PPP2R1A: variants seen among roughly 807,000 people sequenced by gnomAD.
The protein encoded by PPP2R1A is serine/threonine-protein phosphatase 2A 65 kDa regulatory subunit A alpha isoform.
In PPP2R1A, 15 loss-of-function variants were observed where a neutral mutation model predicts 67.1. The ratio of observed to expected loss-of-function variants is 0.22; its 90% CI spans 0.15 to 0.34. The LOEUF (loss-of-function observed/expected upper bound fraction) is 0.34, where lower values mean the gene tolerates loss of function less well. Ranked by LOEUF, PPP2R1A falls within the 10% of genes least tolerant of loss-of-function variation. The pLI is 1.00. For synonymous variants in PPP2R1A, 337 were observed against 325.0 expected, an observed-to-expected ratio of 1.04 and a Z score of -0.40; for missense variants, 369 against 775.0, an observed-to-expected ratio of 0.48 and a Z score of 6.22.
chr19:52,198,403 C>T (rs1396544700), intron 1 of PPP2R1A, among the ~76,000 whole-genome samples: 2 of 152,208 alleles, frequency 1.3e-5, no homozygotes, highest in Non-Finnish European at 2.9e-5. Context: ...CATGGGCCCA[C>T]CTCTTGGGCA....
Position 52,202,074 on chromosome 19 carries a change from T to C in PPP2R1A, c.169+40T>C, listed in dbSNP as rs764077106. 8.4e-6 allele frequency: 13 copies of C among 1,551,310 alleles called. No individual in the cohort carries two copies. In the African/African-American group the frequency reaches 1.6e-4, roughly 20 times the overall value. On this transcript the variant is annotated intron_variant, in intron 2 of 14. Coordinates refer to ENST00000322088, the MANE Select transcript of PPP2R1A (RefSeq NM_014225.6). ...CCCTGGGGCCCAGATGTGGGGACTC[T>C]TGGGAGGTGGTTTTCACTATATAAG...
rs542922013 is a variant in PPP2R1A, at chr19:52,227,816, A to G, written c.*1835A>G. Reference sequence around the variant, plus strand: ...AGAAATGTGAACACACGTGTAACCAAACGTCAAAGTCTGACATTAAACTTT... The same window carrying G: ...AGAAATGTGAACACACGTGTAACCAGACGTCAAAGTCTGACATTAAACTTT... On this transcript the variant is annotated 3_prime_UTR_variant, in exon 15 of 15. Transcript: ENST00000322088. The G allele has an allele frequency of 1.3e-5, 2 of 152,334 alleles. No homozygotes were observed. Among genetic ancestry groups the G allele is most frequent in the South Asian group, 2.1e-4 (1 of 4,832 alleles). 9.4% of individuals were successfully genotyped at this position (152,334 alleles called of 1,614,324 possible).
intron 2 of PPP2R1A, among the ~76,000 whole-genome samples, chr19:52,202,450 C>A (rs990254707): frequency 6.6e-6 from 1 of 152,166 alleles, no homozygotes; most frequent in African/African-American, 2.4e-5. Flanking sequence ...TGTTCTACAC[C>A]GTATCTTGTG....
At chr19:52,205,834 A>G (rs1000925695) in intron 2 of PPP2R1A, 129 bp from the exon 3 acceptor site, 1 of 753,042 alleles carries the variant, frequency 1.3e-6, no homozygotes, top group Non-Finnish European at 2.3e-6. Flanking sequence ...AGAGTGGGGG[A>G]GCAAGTGGGC....
intron 13 of PPP2R1A, among the ~76,000 whole-genome samples, chr19:52,223,766 G>A (rs1979087041): frequency 6.6e-6 from 1 of 152,196 alleles, no homozygotes; most frequent in African/African-American, 2.4e-5. Flanking sequence ...ACGTGGGGCT[G>A]TACATTTAGG....
At position 52,216,066 on chromosome 19, in the gene PPP2R1A, T is replaced by C; in HGVS notation, c.985T>C (p.Cys329Arg). 6.2e-7 allele frequency: 1 copy of C among 1,613,146 alleles called. No homozygotes were observed. The highest frequency in any genetic ancestry group is 8.5e-7 in the Non-Finnish European group (1 of 1,179,140). ...ENVIMSQILP[C>R]IKELVSDANQ... Reference sequence around the variant, plus strand: ...TGTGATCATGTCCCAGATCTTGCCCTGCATCAAGGTAACAGAGAGTTTGAT... The same window carrying C: ...TGTGATCATGTCCCAGATCTTGCCCCGCATCAAGGTAACAGAGAGTTTGAT... Residue 329 changes from cysteine to arginine, a missense_variant, in exon 8 of 15, where the codon TGC becomes CGC. By Grantham distance (180) the Cys-to-Arg change is radical. Transcript: ENST00000322088. The surrounding 1 kb of genome is among the most constrained non-coding windows in gnomAD (Gnocchi z 4.3).
At chr19:52,204,038 C>T (rs1180655974) in intron 2 of PPP2R1A, among the ~76,000 whole-genome samples, 1 of 152,148 alleles carries the variant, frequency 6.6e-6, no homozygotes, top group Non-Finnish European at 1.5e-5. Flanking sequence ...TCTCTGAACC[C>T]TCTGGGTTTT....
Position 52,219,373 on chromosome 19 carries a change from G to A in PPP2R1A, c.1129-318G>A, listed in dbSNP as rs985823400. Among the ~76,000 whole-genome samples the A allele has an allele frequency of 2.0e-5, 3 of 152,260 alleles. No homozygotes were observed. The highest frequency in any genetic ancestry group is 7.2e-5 in the African/African-American group (3 of 41,472). On this transcript the variant is annotated intron_variant, in intron 9 of 14. Coordinates refer to ENST00000322088, the MANE Select transcript of PPP2R1A (RefSeq NM_014225.6). This position sits in a 1 kb window ranked among gnomAD's most constrained non-coding sequence, Gnocchi z 4.0. ...GGAACCCTTGTTAGCAAGCAGCGGA[G>A]CTAGGATTAGAAGAATCATGTCTGC... is the stretch of plus-strand genomic sequence containing the variant.
chr19:52,191,689 A>G (rs2089455957), intron 1 of PPP2R1A, among the ~76,000 whole-genome samples: 1 of 152,140 alleles, frequency 6.6e-6, no homozygotes, highest in African/African-American at 2.4e-5. Flanking sequence ...AATGGGGTTA[A>G]TTACCTAGTT....
intron 2 of PPP2R1A, among the ~76,000 whole-genome samples, chr19:52,204,999 C>T (rs182635886): frequency 6.6e-6 from 1 of 152,262 alleles, no homozygotes; most frequent in Admixed American, 6.5e-5. Flanking sequence ...ATAATGACTC[C>T]TTAAATGAGA....
intron 1 of PPP2R1A, 149 bp downstream of exon 1, chr19:52,190,323 G>C: frequency 1.1e-6 from 1 of 894,314 alleles, no homozygotes. Context: ...CGGTTGCCCG[G>C]ACTCCTTGAG....
rs1328325888 is a variant in PPP2R1A, at chr19:52,216,580, A to G, written c.1045A>G (p.Ile349Val). Residue 349 changes from isoleucine to valine, a missense_variant, in exon 9 of 15, where the codon ATC becomes GTC. By Grantham distance (29) the Ile-to-Val change is conservative. Around this residue, in one of 2 missense-constraint regions of PPP2R1A, gnomAD observed 276 missense variants for 508.4 expected, o/e 0.54. Coordinates refer to ENST00000322088, the MANE Select transcript of PPP2R1A (RefSeq NM_014225.6). This position sits in a 1 kb window ranked among gnomAD's most constrained non-coding sequence, Gnocchi z 4.3. ...QHVKSALASV[I>V]MGLSPILGKD... is the part of the protein sequence containing the mutation. The stretch of plus-strand genomic sequence containing the variant: ...TGTCAAGTCTGCCCTGGCCTCAGTC[A>G]TCATGGGTCTCTCTCCCATCTTGGG... 19 of 1,614,180 alleles carry G rather than the reference A, an allele frequency of 1.2e-5. No individual in the cohort carries two copies. The highest frequency in any genetic ancestry group is 1.5e-5 in the Non-Finnish European group (18 of 1,180,042).
chr19:52,197,492 T>C (rs2089507034), intron 1 of PPP2R1A, among the ~76,000 whole-genome samples: 3 of 151,874 alleles, frequency 2.0e-5, no homozygotes, highest in Admixed American at 6.6e-5. Flanking sequence ...TTGGGCAACA[T>C]AGTGAGGCCT....
At chr19:52,194,326 G>A (rs1178146727) in intron 1 of PPP2R1A, among the ~76,000 whole-genome samples, 3 of 152,096 alleles carry the variant, frequency 2.0e-5, no homozygotes, top group Admixed American at 6.6e-5. Context: ...CAGCAAAAAG[G>A]CCAGTGTGAC....
At chr19:52,194,889 G>A (rs771825002) in intron 1 of PPP2R1A, among the ~76,000 whole-genome samples, 4 of 152,304 alleles carry the variant, frequency 2.6e-5, no homozygotes, top group South Asian at 2.1e-4. Flanking sequence ...CTGGGGAACC[G>A]TGTGGGACCA....
chr19:52,205,635 T>C (rs2089594345), intron 2 of PPP2R1A, among the ~76,000 whole-genome samples: 1 of 152,196 alleles, frequency 6.6e-6, no homozygotes, highest in South Asian at 2.1e-4. Context: ...CTAGTCATAT[T>C]TGCTCCTCAC....
chr19:52,220,956 C>A, intron 11 of PPP2R1A, 23 bp from the exon 12 acceptor site: 1 of 1,613,502 alleles, frequency 6.2e-7, no homozygotes, highest in Non-Finnish European at 8.5e-7. Flanking sequence ...ATCCCTGTCT[C>A]TCTCACCCTC....
intron 2 of PPP2R1A, among the ~76,000 whole-genome samples, chr19:52,205,343 G>C (rs1025610531): frequency 3.3e-5 from 5 of 152,126 alleles, no homozygotes; most frequent in African/African-American, 1.2e-4. Context: ...CTGAATTGCT[G>C]TCTGTCTGTG....
chr19:52,193,643 C>A (rs907455548), intron 1 of PPP2R1A, among the ~76,000 whole-genome samples: 1 of 152,066 alleles, frequency 6.6e-6, no homozygotes, highest in African/African-American at 2.4e-5. Context: ...CGTCTCTGCT[C>A]ATTGCAACCT....
Sources: allele counts gnomAD v4.1 joint callset (sites outside exome capture counted in the v4.1 genomes callset), GRCh38; gene constraint gnomAD v4.1.1; regional missense constraint gnomAD v4.1.1; non-coding constraint Gnocchi (gnomAD v3.1); transcripts MANE v1.5; gene names NCBI Gene and HGNC (gene_info 2026-07-23, HGNC 2026-07-21).